The following RASGRP1 variants were observed in gnomAD, a reference collection of about 807,000 sequenced individuals.
RASGRP1 encodes the protein RAS guanyl-releasing protein 1.
A neutral mutation model predicts 95.1 loss-of-function variants in RASGRP1; 37 were observed. The ratio of observed to expected loss-of-function variants is 0.39; its 90% CI spans 0.30 to 0.51. RASGRP1 has a LOEUF of 0.51. RASGRP1 is among the 20% of genes least tolerant of loss of function. The pLI is 0.80. For missense variants in RASGRP1, 711 were observed against 965.4 expected (o/e 0.74, Z 3.49); for synonymous variants, 325 against 353.4 (o/e 0.92, Z 0.90).
At chr15:38,512,742 A>T in intron 7 of RASGRP1, 41 bp downstream of exon 7, 2 of 1,608,816 alleles carry the variant, frequency 1.2e-6, no homozygotes, top group Non-Finnish European at 1.7e-6. Context: ...TAGAAAGTTT[A>T]CCTTATAGCC....
At chr15:38,561,246 C>A (rs1893798141) in intron 1 of RASGRP1, among the ~76,000 whole-genome samples, 1 of 152,048 alleles carries the variant, frequency 6.6e-6, no homozygotes, top group Non-Finnish European at 1.5e-5. Context: ...CAGAGAAGAC[C>A]ACAGCGAGAT....
chr15:38,533,545 G>C (rs570628097), intron 2 of RASGRP1, among the ~76,000 whole-genome samples: 1 of 152,100 alleles, frequency 6.6e-6, no homozygotes, highest in Non-Finnish European at 1.5e-5. Flanking sequence ...TTTTTAGAGC[G>C]GACGGCAGCA....
At chr15:38,508,676 A>G (rs1891366669) in intron 8 of RASGRP1, among the ~76,000 whole-genome samples, 1 of 152,222 alleles carries the variant, frequency 6.6e-6, no homozygotes, top group Admixed American at 6.5e-5. Flanking sequence ...AGGAGAGAGG[A>G]CATTAGAGGT....
chr15:38,550,242 C>CAA (rs56383365), intron 2 of RASGRP1, among the ~76,000 whole-genome samples: 3,823 of 88,838 alleles, frequency 0.043, 257 homozygotes, highest in African/African-American at 0.13. Flanking sequence ...ACTCTGTCGC[C>CAA]AAAAAAAAAA....
intron 16 of RASGRP1, among the ~76,000 whole-genome samples, chr15:38,492,142 G>A (rs570552162): frequency 3.3e-5 from 5 of 152,226 alleles, no homozygotes; most frequent in African/African-American, 1.2e-4. Flanking sequence ...GCATTTGGCA[G>A]TTTCTATCCC....
chr15:38,531,705 C>T (rs1478833776), intron 2 of RASGRP1, among the ~76,000 whole-genome samples: 2 of 152,086 alleles, frequency 1.3e-5, no homozygotes, highest in Non-Finnish European at 2.9e-5. Context: ...ACTCACTCAG[C>T]CAAGGGAGGC....
intron 10 of RASGRP1, chr15:38,505,090 T>C (rs565938480): frequency 6.6e-6 from 1 of 152,196 alleles, no homozygotes; most frequent in Non-Finnish European, 1.5e-5. Flanking sequence ...GATCTTTCTG[T>C]GTGGAGGAGT....
At chr15:38,554,807 A>G (rs1377666117) in intron 2 of RASGRP1, among the ~76,000 whole-genome samples, 2 of 152,194 alleles carry the variant, frequency 1.3e-5, no homozygotes, top group Admixed American at 1.3e-4. Flanking sequence ...TTTACACGTG[A>G]AATCTTGTAG....
chr15:38,521,629 C>T (rs1892005221), intron 3 of RASGRP1, among the ~76,000 whole-genome samples: 1 of 152,194 alleles, frequency 6.6e-6, no homozygotes, highest in African/African-American at 2.4e-5. Flanking sequence ...TAGTAAGAGG[C>T]TCAGGCATCT....
At chr15:38,491,730 A>G (rs1002546767) in intron 16 of RASGRP1, among the ~76,000 whole-genome samples, 1 of 152,208 alleles carries the variant, frequency 6.6e-6, no homozygotes, top group Non-Finnish European at 1.5e-5. Context: ...AGTGGGACAC[A>G]TAATTGTTCC....
intron 2 of RASGRP1, among the ~76,000 whole-genome samples, chr15:38,554,751 C>G (rs1419845068): frequency 1.3e-5 from 2 of 152,192 alleles, no homozygotes; most frequent in Non-Finnish European, 2.9e-5. Flanking sequence ...GGGAGCTGCT[C>G]TGATGACTAG....
chr15:38,512,347 C>G (rs1456959381), intron 7 of RASGRP1, among the ~76,000 whole-genome samples: 1 of 152,184 alleles, frequency 6.6e-6, no homozygotes, highest in Non-Finnish European at 1.5e-5. Context: ...ACTTGTTTTC[C>G]TCTTATAAAA....
chr15:38,559,595 A>G (rs536841511), intron 2 of RASGRP1, among the ~76,000 whole-genome samples: 1 of 152,298 alleles, frequency 6.6e-6, no homozygotes, highest in African/African-American at 2.4e-5. Flanking sequence ...TGGAAATGCA[A>G]ACTCTCCTAA....
chr15:38,522,047 GT>G (rs1892021458), intron 3 of RASGRP1, among the ~76,000 whole-genome samples: 1 of 152,024 alleles, frequency 6.6e-6, no homozygotes, highest in African/African-American at 2.4e-5. Flanking sequence ...AATATAAAAA[GT>G]ATCCCAATGT....
intron 11 of RASGRP1, chr15:38,502,829 C>G (rs963442564): frequency 1.8e-5 from 4 of 227,364 alleles, no homozygotes; most frequent in Non-Finnish European, 2.6e-5. Flanking sequence ...CTCACCGTTA[C>G]GCTCTTAGTT....
Position 38,499,459 on chromosome 15 carries a change from G to A in RASGRP1, c.1721-513C>T, listed in dbSNP as rs954345110. The stretch of plus-strand genomic sequence containing the variant: ...CCCACCCTTCCATGACTATATGAGA[G>A]CACCATCTCCTACCTGCTATCCCTG... On this transcript the variant is annotated intron_variant, in intron 14 of 16. Coordinates refer to ENST00000310803, the MANE Select transcript of RASGRP1 (RefSeq NM_005739.4). Among the ~76,000 whole-genome samples the A allele has an allele frequency of 5.9e-5, 9 of 152,242 alleles. No individual in the cohort carries two copies. The South Asian group carries it at 1.0e-3, about 18-fold the overall frequency.
chr15:38,527,044 T>A (rs959985067), intron 2 of RASGRP1, among the ~76,000 whole-genome samples: 4 of 152,230 alleles, frequency 2.6e-5, no homozygotes. Flanking sequence ...AAGAACATGG[T>A]TAGCTAGGTT....
intron 3 of RASGRP1, among the ~76,000 whole-genome samples, chr15:38,521,817 A>G (rs1892012803): frequency 6.6e-6 from 1 of 152,214 alleles, no homozygotes; most frequent in African/African-American, 2.4e-5. Context: ...TCACAATGGT[A>G]ATCAGGAGAC....
At position 38,495,778 on chromosome 15, in the gene RASGRP1, A is replaced by AT. The variant is rs1328181484; in HGVS notation, c.1874-1012dup. ...GTTATGGTCACCCTAAAATAATTAC[A>AT]TTTTTTTTTTGGAGGAGTATTATGG... is the stretch of plus-strand genomic sequence containing the variant. On this transcript the variant is annotated intron_variant, in intron 15 of 16. Coordinates refer to ENST00000310803, the MANE Select transcript of RASGRP1 (RefSeq NM_005739.4). Among the ~76,000 whole-genome samples the AT allele has an allele frequency of 5.7e-3, 849 of 149,360 alleles. 11 individuals are homozygous for AT. Among genetic ancestry groups the AT allele is most frequent in the African/African-American group, 0.019 (779 of 40,826 alleles).
Sources: allele counts gnomAD v4.1 joint callset (sites outside exome capture counted in the v4.1 genomes callset), GRCh38; gene constraint gnomAD v4.1.1; transcripts MANE v1.5; gene names NCBI Gene and HGNC (gene_info 2026-07-23, HGNC 2026-07-21).